Variants in ZFYVE16 observed in about 807,000 individuals in gnomAD.
ZFYVE16 encodes the protein zinc finger FYVE domain-containing protein 16.
A neutral mutation model predicts 138.1 loss-of-function variants in ZFYVE16; 89 were observed. The observed-to-expected ratio is 0.64, with a 90% CI of 0.54 to 0.77. The LOEUF is 0.77. ZFYVE16 is among the 30% of genes least tolerant of loss of function. ZFYVE16 has a pLI of 0.00. For synonymous variants in ZFYVE16, 596 were observed against 618.3 expected (o/e 0.96, Z 0.53); for missense variants, 1,793 against 1,786.7 (o/e 1.00, Z -0.06).
intron 7 of ZFYVE16, among the ~76,000 whole-genome samples, chr5:80,446,773 AC>A (rs1751399485): frequency 6.6e-6 from 1 of 152,218 alleles, no homozygotes; most frequent in South Asian, 2.1e-4. Context: ...TTACATTTAC[AC>A]AAATGTGCTA....
intron 5 of ZFYVE16, chr5:80,440,797 T>C: frequency 2.0e-6 from 2 of 985,262 alleles, no homozygotes; most frequent in Non-Finnish European, 2.4e-6. Context: ...CAAATATTAC[T>C]TGGGCCTTTT....
At chr5:80,441,950 AGC>A (rs749916358) in intron 5 of ZFYVE16, 92 of 980,538 alleles carry the variant, frequency 9.4e-5, no homozygotes, top group Non-Finnish European at 1.1e-4. Flanking sequence ...CTGAAGTTCA[AGC>A]AGAGAGCAAA....
rs377186968 is a variant in ZFYVE16 at position 80,439,950 on chromosome 5, C to T, written c.2337C>T (p.Val779=). Residue 779 remains valine, a synonymous_variant, in exon 5 of 19, where the codon GTC becomes GTT. Transcript: ENST00000505560. ...ATTCTTTATAGGTATTTTGTGGTGT[C>T]TGTTGTAATAGGAAGTGTAAACTGC... ...CRACGKVFCG[V]CCNRKCKLQY... is the part of the protein sequence containing the mutation. The T allele has an allele frequency of 7.2e-5, 115 of 1,607,826 alleles. No individual in the cohort carries two copies. Among genetic ancestry groups the T allele is most frequent in the Middle Eastern group, 5.0e-4 (3 of 6,036 alleles).
intron 2 of ZFYVE16, among the ~76,000 whole-genome samples, chr5:80,428,247 C>G (rs1748434555): frequency 6.6e-6 from 1 of 152,140 alleles, no homozygotes; most frequent in South Asian, 2.1e-4. Flanking sequence ...GGGTACCCCT[C>G]TGAGACGAAA....
intron 1 of ZFYVE16, among the ~76,000 whole-genome samples, chr5:80,419,959 A>C (rs539111493): frequency 0.01 from 1,490 of 147,716 alleles, 17 homozygotes; most frequent in Non-Finnish European, 0.018. Context: ...TTACAGGTAC[A>C]CTCCACCACG....
chr5:80,437,328 C>A lies in ZFYVE16; in HGVS notation c.643C>A (p.Leu215Ile), dbSNP rs769497569. The A allele has an allele frequency of 1.2e-6, 2 of 1,601,688 alleles. No homozygotes were observed. The highest frequency in any genetic ancestry group is 1.7e-6 in the Non-Finnish European group (2 of 1,175,304). ...KELGIKVDTT[L>I]SDSYNYSGTE... is the part of the protein sequence containing the mutation. ...ATTGGGTATAAAAGTAGATACAACA[C>A]TTTCAGATTCCTATAATTACAGTGG... is the stretch of plus-strand genomic sequence containing the variant. The change falls in exon 4 of 19, where the codon CTT becomes ATT. Residue 215 changes from leucine to isoleucine, a missense_variant. By Grantham distance (5) the Leu-to-Ile change is conservative. Coordinates refer to ENST00000505560, the MANE Select transcript of ZFYVE16 (RefSeq NM_001284236.3).
Position 80,448,402 on chromosome 5 carries a change from C to G in ZFYVE16, c.3101C>G (p.Ser1034Ter). 6.6e-7 allele frequency: 1 copy of G among 1,509,430 alleles called. No individual in the cohort carries two copies. Among genetic ancestry groups the G allele is most frequent in the Non-Finnish European group, 8.8e-7 (1 of 1,135,510 alleles). The allele number at this position is 1,509,430 out of a possible 1,614,324, so 93.5% of individuals were successfully genotyped here. A position where few individuals can be genotyped will look rare whatever the true frequency, so the allele number is the denominator to read the frequency against. Residue 1034 changes from serine to a stop codon, truncating the protein, a stop_gained and splice_region_variant, in exon 8 of 19, where the codon TCA (serine) becomes TGA (stop). Coordinates refer to ENST00000505560, the MANE Select transcript of ZFYVE16 (RefSeq NM_001284236.3). LOFTEE classifies it high-confidence loss of function. Reference protein sequence around the residue: ...PLLVASGEKGSVPVVEEHPSH... With the variant: ...PLLVASGEKG ...CTGGTTGCATCTGGAGAAAAGGGAT[C>G]AGGTAGGGAAGCAGTTATTTAAATT...
intron 2 of ZFYVE16, among the ~76,000 whole-genome samples, chr5:80,428,870 A>G (rs1103116): frequency 0.8 from 121,064 of 152,142 alleles, 50,506 homozygotes; most frequent in East Asian, 0.92. Flanking sequence ...TTGAAGATCA[A>G]ATGAATGAAA....
At chr5:80,443,418 C>T in intron 6 of ZFYVE16, 134 bp downstream of exon 6, 1 of 1,077,362 alleles carries the variant, frequency 9.3e-7, no homozygotes, top group South Asian at 1.6e-5. Flanking sequence ...GAATTGGTTA[C>T]ACATGCAGGC....
chr5:80,451,537 T>G lies in ZFYVE16; in HGVS notation c.3435T>G (p.Ser1145Arg), dbSNP rs1282694723. 1 of 1,613,880 alleles carries G rather than the reference T, an allele frequency of 6.2e-7. No individual in the cohort carries two copies. Among genetic ancestry groups the G allele is most frequent in the Non-Finnish European group, 8.5e-7 (1 of 1,179,922 alleles). ...DNITFTESFL[S>R]SKDHGGFLFI... ...TTACCTTTACTGAGAGTTTTCTCAGTAGCAAGGATCACGGAGGATTCCTGT... is the reference window on the plus strand; with the variant it reads ...TTACCTTTACTGAGAGTTTTCTCAGGAGCAAGGATCACGGAGGATTCCTGT... Residue 1145 changes from serine (S) to arginine (R), a missense_variant, in exon 11 of 19, where the codon AGT becomes AGG. Ser to Arg is a moderately radical substitution (Grantham distance 110). This residue lies in a region of ZFYVE16 where 498 missense variants were observed against 582.4 expected (regional missense o/e 0.86). Transcript: ENST00000505560.
rs1435038822 is a variant in ZFYVE16 at position 80,408,078 on chromosome 5, CG to C, written c.-167del. 1 of 152,288 alleles carries C rather than the reference CG, an allele frequency of 6.6e-6. No individual in the cohort carries two copies. Among genetic ancestry groups the C allele is most frequent in the African/African-American group, 2.4e-5 (1 of 41,468 alleles). 9.4% of individuals were successfully genotyped at this position (152,288 alleles called of 1,614,324 possible). ...CGGGATCTGGCACTCCCAGGACTCC[CG>C]GCCGGGGTAGCTCTTCACTCCTCAG... On this transcript the variant is annotated 5_prime_UTR_variant, in exon 1 of 19. Coordinates refer to ENST00000505560, the MANE Select transcript of ZFYVE16 (RefSeq NM_001284236.3).
intron 1 of ZFYVE16, among the ~76,000 whole-genome samples, chr5:80,411,134 ATTTT>A (rs58086060): frequency 3.1e-5 from 3 of 95,242 alleles, no homozygotes; most frequent in African/African-American, 8.0e-5. Context: ...CGCCCAGCTA[ATTTT>A]TTTTTTTTTT....
chr5:80,457,961 G>A (rs1378640153), intron 14 of ZFYVE16, among the ~76,000 whole-genome samples: 2 of 150,654 alleles, frequency 1.3e-5, no homozygotes, highest in Non-Finnish European at 2.9e-5. Flanking sequence ...GGGAGGCGGA[G>A]CTTGCAGTGA....
chr5:80,465,458 G>C (rs1463015872), intron 15 of ZFYVE16, among the ~76,000 whole-genome samples: 1 of 110,696 alleles, frequency 9.0e-6, no homozygotes, highest in Admixed American at 1.4e-4. Context: ...CCTGGCTGGA[G>C]TGCAGTGGCA....
At chr5:80,467,919 A>C (rs938891882) in intron 15 of ZFYVE16, among the ~76,000 whole-genome samples, 4 of 152,222 alleles carry the variant, frequency 2.6e-5, no homozygotes, top group African/African-American at 9.6e-5. Flanking sequence ...ACAGAATATC[A>C]GTGAAGCAAT....
At chr5:80,431,125 G>C (rs1442239987) in intron 2 of ZFYVE16, among the ~76,000 whole-genome samples, 2 of 152,104 alleles carry the variant, frequency 1.3e-5, no homozygotes, top group African/African-American at 4.8e-5. Flanking sequence ...GCCTGGCAGA[G>C]GCACAACCAA....
chr5:80,413,661 T>C (rs1007100651), intron 1 of ZFYVE16, among the ~76,000 whole-genome samples: 15 of 152,146 alleles, frequency 9.9e-5, no homozygotes, highest in African/African-American at 3.4e-4. Context: ...GCTAATAATA[T>C]GATGGATGCA....
chr5:80,442,061 A>G lies in ZFYVE16; in HGVS notation c.2420-1062A>G, dbSNP rs1750766696. 6.3e-6 allele frequency: 3 copies of G among 476,736 alleles called. No homozygotes were observed. In the South Asian group the frequency reaches 2.7e-4, roughly 42 times the overall value. The allele number at this position is 476,736 out of a possible 1,614,324, so 29.5% of individuals were successfully genotyped here. A position where few individuals can be genotyped will look rare whatever the true frequency, so the allele number is the denominator to read the frequency against. On this transcript the variant is annotated intron_variant, in intron 5 of 18. Coordinates refer to ENST00000505560, the MANE Select transcript of ZFYVE16 (RefSeq NM_001284236.3). Reference sequence around the variant, plus strand: ...GATAATACCCTAAATTAAAAAATTTAAAAAGTGTAAGAGTGATAGATAGTT... The same window carrying G: ...GATAATACCCTAAATTAAAAAATTTGAAAAGTGTAAGAGTGATAGATAGTT...
In ZFYVE16 at chr5:80,473,831, C is replaced by T; in HGVS notation, c.4265C>T (p.Thr1422Ile). ...EKIKLEADFE[T>I]DEKIVKCTEV... The stretch of plus-strand genomic sequence containing the variant: ...ATAAAACTGGAAGCAGATTTTGAAA[C>T]CGATGAGAAGATTGTAAAATGTACC... Residue 1422 changes from threonine to isoleucine, a missense_variant, in exon 17 of 19, where the codon ACC becomes ATC. This residue lies in a region of ZFYVE16 where 498 missense variants were observed against 582.4 expected (regional missense o/e 0.86). Transcript: ENST00000505560. 1.2e-6 allele frequency: 2 copies of T among 1,612,964 alleles called. No homozygotes were observed. The highest frequency in any genetic ancestry group is 1.7e-4 in the Middle Eastern group (1 of 6,054).
Sources: gnomAD v4.1 joint callset for allele counts (sites outside exome capture counted in the v4.1 genomes callset) on GRCh38, gnomAD v4.1.1 for gene constraint, gnomAD v4.1.1 regional missense constraint, MANE v1.5 for transcripts, NCBI Gene and HGNC (gene_info 2026-07-23, HGNC 2026-07-21) for gene names.